Variants in TEX11 observed in about 807,000 individuals in gnomAD.
TEX11 encodes the protein testis-expressed protein 11.
TEX11 carries 7 observed loss-of-function variants against 84.4 expected under a neutral mutation model. That is an observed-to-expected ratio of 0.08 (90% CI 0.05 to 0.16). The LOEUF is 0.16. Among genes scored for constraint, TEX11 ranks in the 10% least tolerant of loss-of-function variants. The pLI is 1.00. For synonymous variants in TEX11, 264 were observed against 222.8 expected (o/e 1.18, Z -1.64); for missense variants, 551 against 660.5 (o/e 0.83, Z 1.82).
chrX:70,824,669 TAGAG>T (rs202069571), intron 8 of TEX11, among the ~76,000 whole-genome samples: 3 of 108,502 alleles, frequency 2.8e-5, no homozygotes, highest in Non-Finnish European at 5.7e-5. Flanking sequence ...AAGAAGATCA[TAGAG>T]AGAGAGAGAG....
At chrX:70,790,032 G>A (rs1192522687) in intron 9 of TEX11, among the ~76,000 whole-genome samples, 7 of 112,207 alleles carry the variant, frequency 6.2e-5, no homozygotes, top group Admixed American at 2.8e-4. Flanking sequence ...AGTCCAGCAC[G>A]GAGAGTCAAA....
chrX:70,826,075 G>T (rs898892174), intron 8 of TEX11, among the ~76,000 whole-genome samples: 3 of 111,142 alleles, frequency 2.7e-5, no homozygotes, highest in Admixed American at 9.6e-5. Flanking sequence ...AGGCCACGGT[G>T]GGTGGCTCAC....
chrX:70,750,933 A>AAATATATAT lies in TEX11; in HGVS notation c.693-6715_693-6714insATATATATT, dbSNP rs1390175136. ...ACTTAAAGTATAATAAAAAAAAAAA[A>AAATATATAT]ATATATATATATATATATATATATA... On this transcript the variant is annotated intron_variant, in intron 9 of 29. Transcript: ENST00000374333. 2.1e-3 allele frequency among the ~76,000 whole-genome samples: 59 copies of AAATATATAT among 28,182 alleles called. 1 individual carries two copies. Among genetic ancestry groups the AAATATATAT allele is most frequent in the East Asian group, 5.3e-3 (3 of 569 alleles). 24.5% of individuals were successfully genotyped at this position (28,182 alleles called of 115,157 possible). A position where few individuals can be genotyped will look rare whatever the true frequency, so the allele number is the denominator to read the frequency against.
the TEX11 span, among the ~76,000 whole-genome samples, chrX:70,520,455 A>G: frequency 8.9e-6 from 1 of 112,363 alleles, no homozygotes; most frequent in African/African-American, 3.2e-5. Context: ...TGGAGGCTGC[A>G]GAACAGCAAA....
chrX:70,859,349 G>A (rs779631700), intron 5 of TEX11, among the ~76,000 whole-genome samples: 17 of 107,671 alleles, frequency 1.6e-4, no homozygotes, highest in African/African-American at 3.7e-4. Flanking sequence ...AGGCCGGGGC[G>A]GGTGGATCAC....
At chrX:70,838,573 G>A (rs1268770682) in intron 7 of TEX11, among the ~76,000 whole-genome samples, 2 of 112,618 alleles carry the variant, frequency 1.8e-5, no homozygotes, top group Non-Finnish European at 3.8e-5. Context: ...CAGAAGATGG[G>A]TGATTTCTGC....
intron 17 of TEX11, among the ~76,000 whole-genome samples, chrX:70,642,425 C>G (rs1378418364): frequency 2.7e-5 from 3 of 110,757 alleles, no homozygotes; most frequent in Non-Finnish European, 5.7e-5. Context: ...TTTATGAGAT[C>G]AGCATCATTC....
At chrX:70,646,817 T>C (rs2089747903) in intron 17 of TEX11, among the ~76,000 whole-genome samples, 2 of 112,009 alleles carry the variant, frequency 1.8e-5, no homozygotes, top group Admixed American at 1.9e-4. Flanking sequence ...GAAAGCAGTA[T>C]GGAGGTTCCT....
intron 28 of TEX11, among the ~76,000 whole-genome samples, chrX:70,540,776 T>A (rs920680576): frequency 8.9e-6 from 1 of 111,836 alleles, no homozygotes; most frequent in Non-Finnish European, 1.9e-5. Flanking sequence ...CCCAGTCAGC[T>A]CTTCCTGGGG....
intron 28 of TEX11, among the ~76,000 whole-genome samples, chrX:70,533,579 C>T (rs1236188041): frequency 1.8e-5 from 2 of 111,106 alleles, no homozygotes; most frequent in South Asian, 3.8e-4. Context: ...TGGTCAATAA[C>T]GAAGGCCAGG....
chrX:70,878,127 A>G (rs2147871565), intron 3 of TEX11, among the ~76,000 whole-genome samples: 1 of 109,371 alleles, frequency 9.1e-6, no homozygotes, highest in African/African-American at 3.3e-5. Context: ...ATAATGACAA[A>G]TGTCAGCAAG....
intron 24 of TEX11, among the ~76,000 whole-genome samples, chrX:70,603,950 A>G (rs1158513721): frequency 2.7e-5 from 3 of 112,203 alleles, no homozygotes; most frequent in Admixed American, 9.5e-5. Flanking sequence ...CATAGGGACC[A>G]CACTTAGATG....
At chrX:70,539,489 A>G (rs183392355) in intron 28 of TEX11, among the ~76,000 whole-genome samples, 15 of 111,127 alleles carry the variant, frequency 1.3e-4, no homozygotes, top group African/African-American at 4.6e-4. Flanking sequence ...CCCTTGTAAA[A>G]GGAAAGAGTC....
chrX:70,651,159 G>A (rs2089805910), intron 17 of TEX11, among the ~76,000 whole-genome samples: 1 of 111,770 alleles, frequency 8.9e-6, no homozygotes, highest in Admixed American at 9.5e-5. Context: ...TTTTTGAATA[G>A]GTTGGTTTAA....
At chrX:70,765,581 A>T (rs2090934447) in intron 9 of TEX11, among the ~76,000 whole-genome samples, 1 of 112,039 alleles carries the variant, frequency 8.9e-6, no homozygotes, top group African/African-American at 3.2e-5. Flanking sequence ...GAGAAAATCC[A>T]ACATCCCTTC....
intron 24 of TEX11, among the ~76,000 whole-genome samples, chrX:70,596,744 T>C (rs746910599): frequency 3.7e-5 from 4 of 109,456 alleles, no homozygotes; most frequent in South Asian, 3.9e-4. Context: ...ACAAAGCAAA[T>C]TGAACTGTAA....
At chrX:70,853,353 A>G (rs2091519244) in intron 5 of TEX11, 25 bp from the exon 6 acceptor site, 2 of 1,084,539 alleles carry the variant, frequency 1.8e-6, no homozygotes, top group African/African-American at 1.9e-5. Flanking sequence ...TTAGAAAATA[A>G]TTTTTAAAAA....
chrX:70,539,038 A>ATTT (rs775537536), intron 28 of TEX11, among the ~76,000 whole-genome samples: 16 of 41,223 alleles, frequency 3.9e-4, no homozygotes, highest in African/African-American at 1.2e-3. Flanking sequence ...ATATATATAT[A>ATTT]TTTTTTTTTT....
intron 20 of TEX11, among the ~76,000 whole-genome samples, chrX:70,621,581 T>TATATATAA (rs1337680043): frequency 3.9e-5 from 2 of 51,361 alleles, no homozygotes; most frequent in East Asian, 6.8e-4. Flanking sequence ...TATATATAAA[T>TATATATAA]AAAAATAAAA....
Sources: allele counts gnomAD v4.1 joint callset (sites outside exome capture counted in the v4.1 genomes callset), GRCh38; gene constraint gnomAD v4.1.1; transcripts MANE v1.5; gene names NCBI Gene and HGNC (gene_info 2026-07-23, HGNC 2026-07-21).